TMTC2: variants seen among roughly 807,000 people sequenced by gnomAD.
The protein encoded by TMTC2 is transmembrane O-mannosyltransferase targeting cadherins 2.
A neutral mutation model predicts 82.4 loss-of-function variants in TMTC2; 43 were observed. The ratio of observed to expected loss-of-function variants is 0.52; its 90% CI spans 0.41 to 0.67. The LOEUF is 0.67. Among genes scored for constraint, TMTC2 ranks in the 30% least tolerant of loss-of-function variants. The pLI is 0.00. For synonymous variants in TMTC2, 408 were observed against 381.9 expected (o/e 1.07, Z -0.80); for missense variants, 919 against 1,012.4 (o/e 0.91, Z 1.25).
intron 8 of TMTC2, among the ~76,000 whole-genome samples, chr12:83,020,278 G>C (rs1035402002): frequency 6.6e-6 from 1 of 152,070 alleles, no homozygotes; most frequent in Non-Finnish European, 1.5e-5. Flanking sequence ...GCACATGGTA[G>C]GTGCCCAACA....
chr12:82,748,034 G>A (rs1399334762), intron 1 of TMTC2, among the ~76,000 whole-genome samples: 1 of 152,256 alleles, frequency 6.6e-6, no homozygotes, highest in Admixed American at 6.5e-5. Context: ...GTTTAGGCCA[G>A]ACGCGGTGGC....
chr12:82,896,743 A>G, intron 3 of TMTC2, 97 bp downstream of exon 3: 2 of 960,054 alleles, frequency 2.1e-6, no homozygotes, highest in Non-Finnish European at 3.0e-6. Flanking sequence ...AAGGAGGAAG[A>G]GGTCCTTTTA....
At chr12:82,867,628 A>C (rs1386397789) in intron 2 of TMTC2, among the ~76,000 whole-genome samples, 1 of 152,186 alleles carries the variant, frequency 6.6e-6, no homozygotes, top group East Asian at 1.9e-4. Context: ...ACATAATTCA[A>C]TTTTGTGTAT....
intron 1 of TMTC2, chr12:82,690,517 TTGAAATTAAATGGTAACA>T: frequency 1.6e-6 from 1 of 622,836 alleles, no homozygotes; most frequent in Non-Finnish European, 2.0e-6. Flanking sequence ...TGTAGCTTGG[TTGAAATTAAATGGTAACA>T]TGAAACTTTC....
At chr12:82,764,978 G>GGGA (rs1555183512) in intron 1 of TMTC2, among the ~76,000 whole-genome samples, 2 of 149,888 alleles carry the variant, frequency 1.3e-5, no homozygotes, top group South Asian at 4.3e-4. Flanking sequence ...GGTGGGCGGG[G>GGGA]GGGTGACTGC....
intron 1 of TMTC2, among the ~76,000 whole-genome samples, chr12:82,780,808 GTT>G (rs553423016): frequency 1.4e-5 from 2 of 145,388 alleles, no homozygotes; most frequent in Non-Finnish European, 3.0e-5. Context: ...AAGAAGTTTT[GTT>G]TTTTTTTTTA....
In TMTC2 at chr12:82,918,714, T is replaced by TTCTC. The variant is rs61006862; in HGVS notation, c.1484-11695_1484-11692dup. On this transcript the variant is annotated intron_variant, in intron 3 of 11. Coordinates refer to ENST00000321196, the MANE Select transcript of TMTC2 (RefSeq NM_152588.3). ...TTTTTATTTTATCTTTTTTCTTTTC[T>TTCTC]TCTCTCTCTCTCTCTCTCTCTCTCT... is the stretch of plus-strand genomic sequence containing the variant. Among the ~76,000 whole-genome samples, 71 of 148,466 alleles carry TTCTC rather than the reference T, an allele frequency of 4.8e-4. 4 individuals carry two copies. In the South Asian group the frequency reaches 0.013, roughly 27 times the overall value.
chr12:82,780,132 G>C (rs751500835), intron 1 of TMTC2, among the ~76,000 whole-genome samples: 1 of 152,124 alleles, frequency 6.6e-6, no homozygotes, highest in Non-Finnish European at 1.5e-5. Flanking sequence ...GTCCACGCCA[G>C]TTGTATAATT....
intron 11 of TMTC2, among the ~76,000 whole-genome samples, chr12:83,126,606 A>G: frequency 6.6e-6 from 1 of 152,212 alleles, no homozygotes; most frequent in Admixed American, 6.5e-5. Context: ...TAAAATTCGA[A>G]GACAGATTGA....
intron 1 of TMTC2, among the ~76,000 whole-genome samples, chr12:82,833,805 C>A (rs1017115306): frequency 2.6e-5 from 4 of 152,086 alleles, no homozygotes; most frequent in African/African-American, 4.8e-5. Context: ...GCAAATATAG[C>A]CAAGTAAGTA....
At chr12:82,937,948 G>A (rs1167495818) in intron 4 of TMTC2, among the ~76,000 whole-genome samples, 3 of 113,016 alleles carry the variant, frequency 2.7e-5, no homozygotes. Flanking sequence ...ACAGTCTTAC[G>A]CTGTCGCCCA....
chr12:83,097,652 A>G (rs1444686702), intron 11 of TMTC2, among the ~76,000 whole-genome samples: 1 of 152,244 alleles, frequency 6.6e-6, no homozygotes, highest in African/African-American at 2.4e-5. Flanking sequence ...ATAAAATATA[A>G]TCAAATGATG....
At chr12:82,887,342 A>G (rs1873151667) in intron 2 of TMTC2, among the ~76,000 whole-genome samples, 1 of 152,174 alleles carries the variant, frequency 6.6e-6, no homozygotes, top group Non-Finnish European at 1.5e-5. Flanking sequence ...GGGAGCTGTT[A>G]TAGTTGAATT....
At chr12:82,925,731 C>T (rs768043853) in intron 3 of TMTC2, among the ~76,000 whole-genome samples, 13 of 152,214 alleles carry the variant, frequency 8.5e-5, no homozygotes, top group Admixed American at 4.6e-4. Flanking sequence ...ACAGATGTTG[C>T]GCATGTTCTG....
chr12:82,945,072 C>T (rs1488181452), intron 4 of TMTC2, among the ~76,000 whole-genome samples: 1 of 152,112 alleles, frequency 6.6e-6, no homozygotes, highest in African/African-American at 2.4e-5. Context: ...ACACTCATTC[C>T]TCTTATAGCA....
At chr12:82,809,642 A>G (rs140079457) in intron 1 of TMTC2, among the ~76,000 whole-genome samples, 164 of 152,186 alleles carry the variant, frequency 1.1e-3, no homozygotes, top group African/African-American at 3.8e-3. Context: ...ATTTTTTCGT[A>G]CTATTTACCT....
chr12:82,716,723 C>T (rs951782017), intron 1 of TMTC2, among the ~76,000 whole-genome samples: 5 of 152,050 alleles, frequency 3.3e-5, no homozygotes, highest in African/African-American at 7.2e-5. Context: ...ATCAGGTGCC[C>T]GGATTTATCA....
chr12:83,033,646 G>A (rs1451321007), intron 9 of TMTC2, among the ~76,000 whole-genome samples: 2 of 151,950 alleles, frequency 1.3e-5, no homozygotes, highest in African/African-American at 4.8e-5. Flanking sequence ...AGCTACTCAG[G>A]AGGCTGAGGC....
chr12:82,709,972 T>G (rs1159625530), intron 1 of TMTC2, among the ~76,000 whole-genome samples: 1 of 152,178 alleles, frequency 6.6e-6, no homozygotes. Context: ...TTTTTCAACC[T>G]GCAAGTGGTG....
Sources: gnomAD v4.1 joint callset for allele counts (sites outside exome capture counted in the v4.1 genomes callset) on GRCh38, gnomAD v4.1.1 for gene constraint, MANE v1.5 for transcripts, NCBI Gene and HGNC (gene_info 2026-07-23, HGNC 2026-07-21) for gene names.